Variants in AKAP6 observed in about 807,000 individuals in gnomAD.
AKAP6 encodes the protein A-kinase anchoring protein 6.
A neutral mutation model predicts 188.5 loss-of-function variants in AKAP6; 58 were observed. That is an observed-to-expected ratio of 0.31 (90% CI 0.25 to 0.38). The LOEUF is 0.38. AKAP6 is among the 10% of genes least tolerant of loss of function. AKAP6 has a pLI of 1.00. For missense variants in AKAP6, 2,710 were observed against 2,740.0 expected, an observed-to-expected ratio of 0.99 and a Z score of 0.24; for synonymous variants, 989 against 998.6, an observed-to-expected ratio of 0.99 and a Z score of 0.18.
rs183319712 is a variant in AKAP6, at chr14:32,534,795, G to A, written c.325-759G>A. Reference sequence around the variant, plus strand: ...AGCCTGGCCAACCTGGTGAAACCCCGTCTGTACTAAAAACACAAAAATTAG... The same window carrying A: ...AGCCTGGCCAACCTGGTGAAACCCCATCTGTACTAAAAACACAAAAATTAG... On this transcript the variant is annotated intron_variant, in intron 2 of 13. Coordinates refer to ENST00000280979, the MANE Select transcript of AKAP6 (RefSeq NM_004274.5). Among the ~76,000 whole-genome samples, 5 of 151,834 alleles carry A rather than the reference G, an allele frequency of 3.3e-5. 1 individual carries two copies. Among genetic ancestry groups the A allele is most frequent in the Admixed American group, 2.0e-4 (3 of 15,254 alleles).
At chr14:32,756,918 T>C (rs914569921) in intron 11 of AKAP6, among the ~76,000 whole-genome samples, 10 of 151,978 alleles carry the variant, frequency 6.6e-5, no homozygotes, top group African/African-American at 2.4e-4. Flanking sequence ...GGTGTGCATG[T>C]GCCAGCCTGA....
chr14:32,731,059 C>T (rs1209560849), intron 9 of AKAP6, among the ~76,000 whole-genome samples: 1 of 152,152 alleles, frequency 6.6e-6, no homozygotes, highest in African/African-American at 2.4e-5. Context: ...ATTTTGGATA[C>T]TCTGACACCC....
chr14:32,360,842 C>T (rs1158791485), intron 1 of AKAP6, among the ~76,000 whole-genome samples: 1 of 151,486 alleles, frequency 6.6e-6, no homozygotes, highest in Non-Finnish European at 1.5e-5. Context: ...CTCCTGGGCT[C>T]AAGTGTTCCT....
intron 10 of AKAP6, chr14:32,732,961 C>A (rs533359165): frequency 7.0e-4 from 282 of 403,194 alleles, no homozygotes; most frequent in Middle Eastern, 2.6e-3. Flanking sequence ...TCTGAAGGTA[C>A]ATGTGAGAGA....
At position 32,546,938 on chromosome 14, in the gene AKAP6, A is replaced by G. The variant is rs1326023702; in HGVS notation, c.2285A>G (p.Gln762Arg). The G allele has an allele frequency of 2.5e-6, 4 of 1,611,814 alleles. No homozygotes were observed. The highest frequency in any genetic ancestry group is 1.1e-5 in the South Asian group (1 of 91,038). ...TCTGCCACTAAATCAGCTTTAATTC[A>G]GAAACTGATGCAAGATATTCAGCAC... Reference protein sequence around the residue: ...SHSATKSALIQKLMQDIQHQD... With the variant: ...SHSATKSALIRKLMQDIQHQD... Residue 762 changes from glutamine to arginine, a missense_variant, in exon 4 of 14, where the codon CAG (glutamine) becomes CGG (arginine). Physicochemically the swap from Gln to Arg is conservative, Grantham distance 43. This residue lies in a region of AKAP6 where 2,473 missense variants were observed against 2,426.1 expected (regional missense o/e 1.02). Transcript: ENST00000280979.
chr14:32,617,334 G>A (rs897175703), intron 7 of AKAP6, among the ~76,000 whole-genome samples: 1 of 120,802 alleles, frequency 8.3e-6, no homozygotes, highest in South Asian at 2.7e-4. Flanking sequence ...TCGGTGGTCT[G>A]TCTGCCACCC....
At chr14:32,431,794 G>T (rs1377441456) in intron 1 of AKAP6, among the ~76,000 whole-genome samples, 1 of 152,316 alleles carries the variant, frequency 6.6e-6, no homozygotes, top group East Asian at 1.9e-4. Context: ...GATTACAGGC[G>T]TGAGCCACCA....
chr14:32,411,181 A>T (rs1889472747), intron 1 of AKAP6, among the ~76,000 whole-genome samples: 1 of 152,178 alleles, frequency 6.6e-6, no homozygotes, highest in African/African-American at 2.4e-5. Flanking sequence ...ACTACTAGAC[A>T]TTCTACAATG....
In AKAP6 at chr14:32,466,827, T is replaced by TTATATATATATA. The variant is rs776142584; in HGVS notation, c.324+33018_324+33029dup. Among the ~76,000 whole-genome samples the TTATATATATATA allele has an allele frequency of 1.2e-3, 143 of 115,084 alleles. 2 individuals are homozygous for TTATATATATATA. The highest frequency in any genetic ancestry group is 5.7e-3 in the African/African-American group (115 of 20,186). The allele number at this position is 115,084 out of a possible 152,430, so 75.5% of individuals were successfully genotyped here. A position where few individuals can be genotyped will look rare whatever the true frequency, so the allele number is the denominator to read the frequency against. On this transcript the variant is annotated intron_variant, in intron 2 of 13. Coordinates refer to ENST00000280979, the MANE Select transcript of AKAP6 (RefSeq NM_004274.5). ...CAAAATATAAGCTGTAAAAACAAGA[T>TTATATATATATA]TATATATATATATATATATTTTCTT...
intron 8 of AKAP6, among the ~76,000 whole-genome samples, chr14:32,679,905 A>G (rs1889601147): frequency 6.6e-6 from 1 of 152,244 alleles, no homozygotes; most frequent in Admixed American, 6.5e-5. Flanking sequence ...AGCATGAACA[A>G]TAAACTGCTT....
At chr14:32,343,604 C>T (rs1056490288) in intron 1 of AKAP6, among the ~76,000 whole-genome samples, 2 of 151,774 alleles carry the variant, frequency 1.3e-5, no homozygotes, top group South Asian at 2.1e-4. Context: ...AAAAATTAGC[C>T]AGGCATGATG....
intron 9 of AKAP6, among the ~76,000 whole-genome samples, chr14:32,697,359 G>C (rs747758604): frequency 1.9e-4 from 29 of 152,094 alleles, no homozygotes; most frequent in Admixed American, 2.6e-4. Flanking sequence ...ACTGTTAGCT[G>C]TTTCCTGTAT....
At chr14:32,406,135 AGT>A (rs1196023742) in intron 1 of AKAP6, among the ~76,000 whole-genome samples, 1 of 151,960 alleles carries the variant, frequency 6.6e-6, no homozygotes. Flanking sequence ...GCTGGCTTTA[AGT>A]GTGTCAGGAC....
chr14:32,534,826 C>T (rs1403859371), intron 2 of AKAP6, among the ~76,000 whole-genome samples: 3 of 151,668 alleles, frequency 2.0e-5, no homozygotes, highest in Non-Finnish European at 2.9e-5. Flanking sequence ...ATTAGCGGGG[C>T]GTGTGGCAGC....
intron 8 of AKAP6, among the ~76,000 whole-genome samples, chr14:32,690,657 A>G (rs1173876190): frequency 6.6e-6 from 1 of 152,194 alleles, no homozygotes; most frequent in Admixed American, 6.5e-5. Flanking sequence ...TTAAAAATAA[A>G]CACTAAAGAA....
intron 4 of AKAP6, among the ~76,000 whole-genome samples, chr14:32,565,483 G>A (rs1209445219): frequency 6.6e-6 from 1 of 152,092 alleles, no homozygotes. Flanking sequence ...AACCTAGCAG[G>A]TTCTGCCCAT....
At chr14:32,798,251 C>G (rs1194416433) in intron 12 of AKAP6, among the ~76,000 whole-genome samples, 2 of 152,138 alleles carry the variant, frequency 1.3e-5, no homozygotes. Flanking sequence ...ATAATAGATG[C>G]TGGCAAGGTT....
intron 8 of AKAP6, 135 bp from the exon 9 acceptor site, chr14:32,695,855 A>G (rs1890380877): frequency 2.7e-6 from 3 of 1,119,640 alleles, no homozygotes; most frequent in East Asian, 5.9e-5. Flanking sequence ...GTGTGTAACA[A>G]CATAGAAATT....
chr14:32,337,125 C>G (rs1886729210), intron 1 of AKAP6, among the ~76,000 whole-genome samples: 1 of 152,104 alleles, frequency 6.6e-6, no homozygotes, highest in Non-Finnish European at 1.5e-5. Context: ...GGAGAATCAA[C>G]TAGAAATAAC....
Sources: allele counts gnomAD v4.1 joint callset (sites outside exome capture counted in the v4.1 genomes callset), GRCh38; gene constraint gnomAD v4.1.1; regional missense constraint gnomAD v4.1.1; transcripts MANE v1.5; gene names NCBI Gene and HGNC (gene_info 2026-07-23, HGNC 2026-07-21).